Variants in NXPH1 observed in about 807,000 individuals in gnomAD.
The protein encoded by NXPH1 is neurexophilin-1.
Under a neutral mutation model 23.7 loss-of-function variants are expected in NXPH1, and 5 were observed. The observed-to-expected ratio is 0.21, with a 90% CI of 0.11 to 0.44. NXPH1 has a LOEUF of 0.44. Ranked by LOEUF, NXPH1 falls within the 20% of genes least tolerant of loss-of-function variation. NXPH1 has a pLI of 0.99. For synonymous variants in NXPH1, 144 were observed against 122.2 expected (o/e 1.18, Z -1.18); for missense variants, 324 against 321.6 (o/e 1.01, Z -0.06).
intron 2 of NXPH1, among the ~76,000 whole-genome samples, chr7:8,613,664 A>T (rs568458500): frequency 1.3e-4 from 20 of 152,112 alleles, no homozygotes; most frequent in African/African-American, 4.6e-4. Context: ...AGGCTGTTGG[A>T]TAAATTTTAT....
intron 2 of NXPH1, among the ~76,000 whole-genome samples, chr7:8,683,478 C>A (rs1289616567): frequency 1.3e-5 from 2 of 152,122 alleles, no homozygotes; most frequent in Non-Finnish European, 2.9e-5. Flanking sequence ...ATTTAGAATT[C>A]TTACACAGGA....
At chr7:8,459,270 T>A (rs943259227) in intron 2 of NXPH1, among the ~76,000 whole-genome samples, 3 of 152,158 alleles carry the variant, frequency 2.0e-5, no homozygotes, top group Admixed American at 2.0e-4. Context: ...AGAAGGATGA[T>A]TAATTTTATC....
intron 2 of NXPH1, among the ~76,000 whole-genome samples, chr7:8,512,485 G>T (rs533377983): frequency 4.0e-4 from 61 of 152,176 alleles, no homozygotes; most frequent in African/African-American, 1.3e-3. Context: ...ATCAACTCTA[G>T]CCTTTCCCCT....
intron 2 of NXPH1, among the ~76,000 whole-genome samples, chr7:8,497,620 G>A (rs529400014): frequency 1.3e-5 from 2 of 152,230 alleles, no homozygotes; most frequent in East Asian, 3.9e-4. Flanking sequence ...CAGTGATGAT[G>A]AGCATTTTTT....
intron 2 of NXPH1, among the ~76,000 whole-genome samples, chr7:8,696,840 CAAAAAAA>C (rs3059126): frequency 1.0e-5 from 1 of 96,988 alleles, no homozygotes; most frequent in Non-Finnish European, 2.0e-5. Flanking sequence ...GACTCCCTCT[CAAAAAAA>C]AAAAAAAAAA....
At chr7:8,681,970 G>A (rs1821057041) in intron 2 of NXPH1, among the ~76,000 whole-genome samples, 1 of 152,142 alleles carries the variant, frequency 6.6e-6, no homozygotes, top group African/African-American at 2.4e-5. Context: ...AGTCCTCAGG[G>A]CAATTATCAG....
At position 8,434,490 on chromosome 7, in the gene NXPH1, C is replaced by G. The variant is rs1020884248; in HGVS notation, c.-376C>G. The stretch of plus-strand genomic sequence containing the variant: ...TTTCCTCCTCTACTGCTCCCTCCCT[C>G]TCTTGCCTCTTAAGTTTCCTGCACC... On this transcript the variant is annotated 5_prime_UTR_variant, in exon 1 of 3. Coordinates refer to ENST00000405863, the MANE Select transcript of NXPH1 (RefSeq NM_152745.3). The surrounding 1 kb of genome is among the most constrained non-coding windows in gnomAD (Gnocchi z 7.6). 2 of 153,068 alleles carry G rather than the reference C, an allele frequency of 1.3e-5. No individual in the cohort carries two copies. The highest frequency in any genetic ancestry group is 6.5e-5 in the Admixed American group (1 of 15,290). 9.5% of individuals were successfully genotyped at this position (153,068 alleles called of 1,614,324 possible).
At chr7:8,612,396 A>G (rs962115847) in intron 2 of NXPH1, among the ~76,000 whole-genome samples, 1 of 151,686 alleles carries the variant, frequency 6.6e-6, no homozygotes, top group African/African-American at 2.4e-5. Context: ...TCTCAAACAT[A>G]GTTTTGAGAA....
intron 2 of NXPH1, among the ~76,000 whole-genome samples, chr7:8,611,491 A>C (rs1229720344): frequency 6.6e-6 from 1 of 152,146 alleles, no homozygotes; most frequent in Non-Finnish European, 1.5e-5. Flanking sequence ...AATCGTTTGG[A>C]TTGTTGATCA....
intron 2 of NXPH1, among the ~76,000 whole-genome samples, chr7:8,605,957 T>G (rs190186450): frequency 3.3e-5 from 5 of 152,238 alleles, no homozygotes; most frequent in Non-Finnish European, 5.9e-5. Flanking sequence ...GAGGCCAACA[T>G]TTTTTCCTTG....
intron 2 of NXPH1, among the ~76,000 whole-genome samples, chr7:8,462,041 ATATCTC>A (rs1563317176): frequency 7.7e-6 from 1 of 129,522 alleles, no homozygotes; most frequent in African/African-American, 3.5e-5. Flanking sequence ...CTATATATCT[ATATCTC>A]TATCTCTCTG....
chr7:8,523,159 C>T (rs1469345059), intron 2 of NXPH1, among the ~76,000 whole-genome samples: 1 of 152,164 alleles, frequency 6.6e-6, no homozygotes, highest in Non-Finnish European at 1.5e-5. Flanking sequence ...ACAGTTTAGT[C>T]CAGTACTTCC....
chr7:8,502,972 A>G (rs1433335758), intron 2 of NXPH1, among the ~76,000 whole-genome samples: 2 of 151,968 alleles, frequency 1.3e-5, no homozygotes, highest in Admixed American at 1.3e-4. Context: ...TAAGGGCTGG[A>G]TCCTGGAAAG....
At chr7:8,493,070 G>T (rs965288658) in intron 2 of NXPH1, among the ~76,000 whole-genome samples, 1 of 151,980 alleles carries the variant, frequency 6.6e-6, no homozygotes, top group Non-Finnish European at 1.5e-5. Flanking sequence ...GGCAGCATGT[G>T]ATGAATAATC....
At chr7:8,683,047 T>C (rs1468093722) in intron 2 of NXPH1, among the ~76,000 whole-genome samples, 2 of 152,188 alleles carry the variant, frequency 1.3e-5, no homozygotes, top group Admixed American at 6.5e-5. Flanking sequence ...GAGGTGTTTA[T>C]TTGGCTTGGA....
chr7:8,692,178 G>T (rs192167084), intron 2 of NXPH1, among the ~76,000 whole-genome samples: 42 of 151,934 alleles, frequency 2.8e-4, no homozygotes, highest in Non-Finnish European at 5.9e-4. Context: ...AAAGAGTTCA[G>T]ATTTTATTCT....
intron 2 of NXPH1, among the ~76,000 whole-genome samples, chr7:8,436,032 G>A (rs1256603296): frequency 6.6e-6 from 1 of 152,202 alleles, no homozygotes; most frequent in Non-Finnish European, 1.5e-5. Flanking sequence ...AACCCAAGGA[G>A]GTAGTGAGAT....
chr7:8,568,625 A>G (rs1818589459), intron 2 of NXPH1, among the ~76,000 whole-genome samples: 2 of 148,312 alleles, frequency 1.3e-5, no homozygotes, highest in Non-Finnish European at 3.0e-5. Context: ...CATAATGCAT[A>G]AAAGAAAGTT....
At chr7:8,613,559 T>C (rs1819664834) in intron 2 of NXPH1, among the ~76,000 whole-genome samples, 1 of 151,966 alleles carries the variant, frequency 6.6e-6, no homozygotes, top group Non-Finnish European at 1.5e-5. Context: ...TTAGGGAAAA[T>C]GCAGATTAGG....
Sources: allele counts gnomAD v4.1 joint callset (sites outside exome capture counted in the v4.1 genomes callset), GRCh38; gene constraint gnomAD v4.1.1; non-coding constraint Gnocchi (gnomAD v3.1); transcripts MANE v1.5; gene names NCBI Gene and HGNC (gene_info 2026-07-23, HGNC 2026-07-21).